The following SV2B variants were observed in gnomAD, a reference collection of about 807,000 sequenced individuals.
SV2B encodes synaptic vesicle glycoprotein 2B.
A neutral mutation model predicts 73.9 loss-of-function variants in SV2B; 41 were observed. That is an observed-to-expected ratio of 0.56 (90% CI 0.43 to 0.72). The LOEUF is 0.72. Among genes scored for constraint, SV2B ranks in the 30% least tolerant of loss-of-function variants. The pLI is 0.00. For synonymous variants in SV2B, 314 were observed against 314.2 expected (o/e 1.00, Z 0.01); for missense variants, 764 against 857.8 (o/e 0.89, Z 1.37).
rs1264822371 is a variant in SV2B, at chr15:91,128,026, T to C, written c.-392+27663T>C. Among the ~76,000 whole-genome samples, 2 of 152,200 alleles carry C rather than the reference T, an allele frequency of 1.3e-5. No individual in the cohort carries two copies. The highest frequency in any genetic ancestry group is 3.9e-4 in the East Asian group (2 of 5,194). On this transcript the variant is annotated intron_variant, in intron 1 of 12. Transcript: ENST00000394232. The surrounding 1 kb of genome is among the most constrained non-coding windows in gnomAD (Gnocchi z 4.2). ...AAAACATCCCTCAGGTATTTGAACCTATTGCACTGGAGAAAAAGAGAAAAA... is the reference window on the plus strand; with the variant it reads ...AAAACATCCCTCAGGTATTTGAACCCATTGCACTGGAGAAAAAGAGAAAAA...
chr15:91,157,969 C>A (rs974110351), intron 1 of SV2B, among the ~76,000 whole-genome samples: 2 of 152,182 alleles, frequency 1.3e-5, no homozygotes, highest in African/African-American at 4.8e-5. Flanking sequence ...AGGTGGGGAG[C>A]ACTGGTTTTG....
At chr15:91,274,044 CTA>C (rs78443634) in intron 9 of SV2B, among the ~76,000 whole-genome samples, 10,353 of 152,142 alleles carry the variant, frequency 0.068, 394 homozygotes, top group Non-Finnish European at 0.091. Flanking sequence ...GGGGAGAAAA[CTA>C]TATAACTCAA....
rs961410625 is a variant in SV2B, at chr15:91,181,688, C to T, written c.-391-44185C>T. ...TCACTCAATTAACCAATTAGATAAA[C>T]AGTGGCCAAATGGAATAATCAGCTT... is the stretch of plus-strand genomic sequence containing the variant. On this transcript the variant is annotated intron_variant, in intron 1 of 12. Transcript: ENST00000394232. Among the ~76,000 whole-genome samples, 8 of 151,960 alleles carry T rather than the reference C, an allele frequency of 5.3e-5. No individual in the cohort carries two copies. The East Asian group carries it at 1.6e-3, about 30-fold the overall frequency.
At chr15:91,150,437 C>A (rs2043280264) in intron 1 of SV2B, among the ~76,000 whole-genome samples, 1 of 152,204 alleles carries the variant, frequency 6.6e-6, no homozygotes. Flanking sequence ...GATATTTCCT[C>A]CTGAATTATT....
chr15:91,148,820 A>G (rs560642228), intron 1 of SV2B, among the ~76,000 whole-genome samples: 49 of 152,326 alleles, frequency 3.2e-4, no homozygotes, highest in Non-Finnish European at 5.7e-4. Flanking sequence ...ACAGTCAGGC[A>G]GAGAGAATTC....
intron 1 of SV2B, among the ~76,000 whole-genome samples, chr15:91,216,568 G>A (rs2046033119): frequency 1.3e-5 from 2 of 151,834 alleles, no homozygotes; most frequent in African/African-American, 4.8e-5. Context: ...CACCTCCCAG[G>A]TTCAAGTGAT....
At position 91,226,722 on chromosome 15, in the gene SV2B, GA is replaced by G. The variant is rs1226056185; in HGVS notation, c.451+11del. 8.8e-6 allele frequency: 14 copies of G among 1,598,338 alleles called. No individual in the cohort carries two copies. The highest frequency in any genetic ancestry group is 1.2e-5 in the Non-Finnish European group (14 of 1,178,144). On this transcript the variant is annotated intron_variant, in intron 2 of 12. Transcript: ENST00000394232. ...CCAAAAAAGGAATGCTAGGTAAGTG[GA>G]AATTTCCAATGATCCCTCCAATGAA...
At chr15:91,171,033 C>T (rs2044103533) in intron 1 of SV2B, among the ~76,000 whole-genome samples, 1 of 152,200 alleles carries the variant, frequency 6.6e-6, no homozygotes, top group African/African-American at 2.4e-5. Context: ...GATGAGGAAA[C>T]TACGGCTCAG....
At chr15:91,145,774 T>C (rs922581585) in intron 1 of SV2B, among the ~76,000 whole-genome samples, 3 of 152,222 alleles carry the variant, frequency 2.0e-5, no homozygotes, top group Non-Finnish European at 2.9e-5. Context: ...GATTTTTGGC[T>C]GCATTTATGT....
chr15:91,179,467 T>C (rs2044461131), intron 1 of SV2B, among the ~76,000 whole-genome samples: 1 of 152,168 alleles, frequency 6.6e-6, no homozygotes, highest in Non-Finnish European at 1.5e-5. Context: ...TCTGTCTCGT[T>C]GATCTGTCTA....
intron 6 of SV2B, among the ~76,000 whole-genome samples, chr15:91,263,321 CAG>C (rs1272799424): frequency 6.6e-5 from 10 of 151,146 alleles, no homozygotes; most frequent in Non-Finnish European, 1.0e-4. Flanking sequence ...CACGGACACA[CAG>C]AGGCACACAT....
At chr15:91,243,057 C>T (rs1567383196) in intron 2 of SV2B, among the ~76,000 whole-genome samples, 1 of 152,180 alleles carries the variant, frequency 6.6e-6, no homozygotes, top group Admixed American at 6.5e-5. Flanking sequence ...GTATAACCTG[C>T]CTGGGCCCTG....
rs960962347 is a variant in SV2B at position 91,197,575 on chromosome 15, A to C, written c.-391-28298A>C. ...AAAACCAAACCAAACCAAACAAAACAAAACAAAATCACTGTAAAGACAAGA... is the reference window on the plus strand; with the variant it reads ...AAAACCAAACCAAACCAAACAAAACCAAACAAAATCACTGTAAAGACAAGA... On this transcript the variant is annotated intron_variant, in intron 1 of 12. Transcript: ENST00000394232. The surrounding 1 kb of genome is among the most constrained non-coding windows in gnomAD (Gnocchi z 4.9). Among the ~76,000 whole-genome samples, 7 of 152,156 alleles carry C rather than the reference A, an allele frequency of 4.6e-5. No individual in the cohort carries two copies. Among genetic ancestry groups the C allele is most frequent in the Admixed American group, 4.6e-4 (7 of 15,280 alleles).
chr15:91,124,247 G>T lies in SV2B; in HGVS notation c.-392+23884G>T, dbSNP rs542380984. 5.9e-5 allele frequency among the ~76,000 whole-genome samples: 9 copies of T among 152,304 alleles called. No individual in the cohort carries two copies. The highest frequency in any genetic ancestry group is 2.2e-4 in the African/African-American group (9 of 41,560). On this transcript the variant is annotated intron_variant, in intron 1 of 12. Coordinates refer to ENST00000394232, the MANE Select transcript of SV2B (RefSeq NM_001323032.3). This position sits in a 1 kb window ranked among gnomAD's most constrained non-coding sequence, Gnocchi z 4.6. ...TGTTCATGCTATTTATTCCCTCGGG[G>T]AAGTCACGAATCTGTCATTTGCGAT...
In SV2B at chr15:91,260,379, A is replaced by G; in HGVS notation, c.978A>G (p.Arg326=). The G allele has an allele frequency of 6.2e-7, 1 of 1,613,514 alleles. No homozygotes were observed. The highest frequency in any genetic ancestry group is 8.5e-7 in the Non-Finnish European group (1 of 1,179,818). Residue 326 remains arginine, a synonymous_variant, in exon 6 of 13, where the codon AGA becomes AGG. Transcript: ENST00000394232. ...AGCAAGTCCATGACACCAACATGAG[A>G]GCTAAGGGGACCCCAGAGAAAGTGT... is the stretch of plus-strand genomic sequence containing the variant. ...ILKQVHDTNM[R]AKGTPEKVFT... is the part of the protein sequence containing the mutation.
At chr15:91,111,813 G>T (rs1458141365) in intron 1 of SV2B, among the ~76,000 whole-genome samples, 1 of 152,114 alleles carries the variant, frequency 6.6e-6, no homozygotes, top group African/African-American at 2.4e-5. Context: ...TTCCAATTAT[G>T]GAAGAAGGCA....
At chr15:91,256,497 G>T (rs145351661) in intron 4 of SV2B, among the ~76,000 whole-genome samples, 1 of 152,264 alleles carries the variant, frequency 6.6e-6, no homozygotes, top group South Asian at 2.1e-4. Flanking sequence ...GTGTGGTTTC[G>T]ATCACCTTTA....
At chr15:91,264,424 A>T (rs897094385) in intron 6 of SV2B, among the ~76,000 whole-genome samples, 1 of 152,216 alleles carries the variant, frequency 6.6e-6, no homozygotes, top group Non-Finnish European at 1.5e-5. Flanking sequence ...TTATAGGTCG[A>T]ACATGGAAGC....
At chr15:91,178,871 G>GT (rs2044435279) in intron 1 of SV2B, among the ~76,000 whole-genome samples, 1 of 146,248 alleles carries the variant, frequency 6.8e-6, no homozygotes, top group East Asian at 2.1e-4. Context: ...TTTTTGAAGG[G>GT]TTTTTTGTGT....
Sources: allele counts gnomAD v4.1 joint callset (sites outside exome capture counted in the v4.1 genomes callset), GRCh38; gene constraint gnomAD v4.1.1; non-coding constraint Gnocchi (gnomAD v3.1); transcripts MANE v1.5; gene names NCBI Gene and HGNC (gene_info 2026-07-23, HGNC 2026-07-21).